RGPD2: variants seen among roughly 807,000 people sequenced by gnomAD.
RGPD2 encodes the protein RANBP2-like and GRIP domain-containing protein 2.
A neutral mutation model predicts 36.0 loss-of-function variants in RGPD2; 2 were observed. The ratio of observed to expected loss-of-function variants is 0.06; its 90% CI spans 0.02 to 0.17. RGPD2 has a LOEUF of 0.17. Among genes scored for constraint, RGPD2 ranks in the 10% least tolerant of loss-of-function variants. The pLI, the probability that RGPD2 is intolerant of heterozygous loss-of-function variation, is 1.00. For missense variants in RGPD2, 40 were observed against 464.3 expected (o/e 0.09, Z 8.40); for synonymous variants, 19 against 163.8 (o/e 0.12, Z 6.75).
the RGPD2 span, among the ~76,000 whole-genome samples, chr2:87,872,455 G>GAAAAAAT: frequency 6.6e-6 from 1 of 151,870 alleles, no homozygotes; most frequent in East Asian, 1.9e-4. Context: ...AACATACTGA[G>GAAAAAAT]AAAAAATAGA....
chr2:87,952,330 C>G, the RGPD2 span, among the ~76,000 whole-genome samples: 1 of 151,918 alleles, frequency 6.6e-6, no homozygotes, highest in Non-Finnish European at 1.5e-5. Flanking sequence ...CAAGTTTCTG[C>G]TACATTTCAT....
the RGPD2 span, among the ~76,000 whole-genome samples, chr2:87,888,236 T>A: frequency 2.0e-5 from 3 of 151,838 alleles, no homozygotes; most frequent in African/African-American, 7.2e-5. Flanking sequence ...ACTTACTGGA[T>A]CAACATACAT....
At chr2:87,868,656 G>A in the RGPD2 span, among the ~76,000 whole-genome samples, 5 of 152,110 alleles carry the variant, frequency 3.3e-5, no homozygotes, top group East Asian at 9.7e-4. Context: ...ATGCCCCATT[G>A]GTATTCCACA....
chr2:87,825,182 C>T, intron 1 of RGPD2: 1 of 393,376 alleles, frequency 2.5e-6, no homozygotes, highest in Non-Finnish European at 4.5e-6. Context: ...ATTCTATTTC[C>T]CCCTCTATTG....
chr2:87,849,153 G>A, the RGPD2 span, among the ~76,000 whole-genome samples: 4 of 151,282 alleles, frequency 2.6e-5, no homozygotes, highest in South Asian at 8.4e-4. Context: ...TGTAGTGAGT[G>A]TTTCAAAGGT....
the RGPD2 span, among the ~76,000 whole-genome samples, chr2:87,877,974 T>C: frequency 6.6e-6 from 1 of 152,070 alleles, no homozygotes; most frequent in Admixed American, 6.5e-5. Context: ...TTCTTTCATT[T>C]CAACCTTGGA....
chr2:87,951,294 A>G, the RGPD2 span, among the ~76,000 whole-genome samples: 2 of 151,594 alleles, frequency 1.3e-5, no homozygotes, highest in South Asian at 2.1e-4. Context: ...TTGTCTTTGT[A>G]TATCCTAACC....
the RGPD2 span, among the ~76,000 whole-genome samples, chr2:87,920,826 T>C: frequency 5.4e-5 from 5 of 93,396 alleles, no homozygotes; most frequent in South Asian, 9.4e-4. Context: ...TGAATTCAAA[T>C]CCTGTTTCTT....
At chr2:87,857,412 A>G in the RGPD2 span, among the ~76,000 whole-genome samples, 75 of 151,506 alleles carry the variant, frequency 5.0e-4, no homozygotes, top group African/African-American at 1.5e-3. Flanking sequence ...GTGCAATCTC[A>G]GCTCACTGAA....
rs928804632 is a variant in RGPD2 at position 87,825,716 on chromosome 2, T to C, written c.14A>G (p.Lys5Arg). Residue 5 changes from lysine (K) to arginine (R), a missense_variant, in exon 1 of 23, where the codon AAA becomes AGA. By Grantham distance (26) the Lys-to-Arg change is conservative. Coordinates refer to ENST00000398146, the MANE Select transcript of RGPD2 (RefSeq NM_001078170.3). MRRS[K>R]AYGERYLASV... ...GGCGAGGTACCGCTCCCCGTAGGCTTTGCTGCGCCTCATCGCACCGCCAAC... is the reference window on the plus strand; with the variant it reads ...GGCGAGGTACCGCTCCCCGTAGGCTCTGCTGCGCCTCATCGCACCGCCAAC... 3 of 1,600,958 alleles carry C rather than the reference T, an allele frequency of 1.9e-6. No individual in the cohort carries two copies. Among genetic ancestry groups the C allele is most frequent in the Non-Finnish European group, 1.7e-6 (2 of 1,174,430 alleles).
chr2:87,855,011 T>TGC, the RGPD2 span, among the ~76,000 whole-genome samples: 2 of 152,082 alleles, frequency 1.3e-5, no homozygotes, highest in Admixed American at 6.6e-5. Context: ...TGTGTGTGTG[T>TGC]GCGTGTGTGT....
At chr2:87,781,464 GT>G (rs879124297) in intron 20 of RGPD2, among the ~76,000 whole-genome samples, 1,829 of 112,510 alleles carry the variant, frequency 0.016, 10 homozygotes, top group African/African-American at 0.024. Context: ...TTGTTTTTTT[GT>G]TTTTTTTTTT....
chr2:87,977,885 G>A, the RGPD2 span, among the ~76,000 whole-genome samples: 2 of 152,088 alleles, frequency 1.3e-5, no homozygotes, highest in East Asian at 1.9e-4. Context: ...GGAGGCCAAG[G>A]CTGGTGGATC....
At chr2:87,988,541 ATTTTTTT>A in the RGPD2 span, among the ~76,000 whole-genome samples, 6 of 54,142 alleles carry the variant, frequency 1.1e-4, no homozygotes, top group Admixed American at 3.1e-4. Context: ...ATATATATAT[ATTTTTTT>A]TTTTTCTTTT....
At position 87,772,930 on chromosome 2, in the gene RGPD2, C is replaced by T. The variant is rs1424265337; in HGVS notation, c.5041-566G>A. On this transcript the variant is annotated intron_variant, in intron 21 of 22. Coordinates refer to ENST00000398146, the MANE Select transcript of RGPD2 (RefSeq NM_001078170.3). ...GTTGAAAGCTGGGGAACTGATGGAA[C>T]GTCTCCATGAGGAGCAACTAACTGG... Among the ~76,000 whole-genome samples the T allele has an allele frequency of 6.7e-5, 9 of 134,002 alleles. 1 individual carries two copies. The highest frequency in any genetic ancestry group is 2.6e-4 in the South Asian group (1 of 3,904). 87.9% of individuals were successfully genotyped at this position (134,002 alleles called of 152,430 possible). A position where few individuals can be genotyped will look rare whatever the true frequency, so the allele number is the denominator to read the frequency against.
chr2:87,947,341 A>G, the RGPD2 span, among the ~76,000 whole-genome samples: 5 of 152,200 alleles, frequency 3.3e-5, no homozygotes, highest in Non-Finnish European at 7.3e-5. Flanking sequence ...AAAAGAATGG[A>G]CTCAGAACTA....
upstream of RGPD2, among the ~76,000 whole-genome samples, chr2:87,830,675 C>T (rs1214708319): frequency 6.6e-6 from 1 of 152,186 alleles, no homozygotes; most frequent in East Asian, 1.9e-4. Flanking sequence ...CACAGATTCA[C>T]ATGGCTGGGG....
the RGPD2 span, among the ~76,000 whole-genome samples, chr2:87,878,925 C>T: frequency 6.6e-6 from 1 of 152,170 alleles, no homozygotes; most frequent in Non-Finnish European, 1.5e-5. Context: ...ATCTTAATGA[C>T]TGAATCGTAT....
the RGPD2 span, among the ~76,000 whole-genome samples, chr2:87,914,807 A>G: frequency 6.6e-6 from 1 of 151,004 alleles, no homozygotes; most frequent in East Asian, 1.9e-4. Flanking sequence ...CTAGATTGAG[A>G]GCAAAAATTA....
Sources: gnomAD v4.1 joint callset for allele counts (sites outside exome capture counted in the v4.1 genomes callset) on GRCh38, gnomAD v4.1.1 for gene constraint, MANE v1.5 for transcripts, NCBI Gene and HGNC (gene_info 2026-07-23, HGNC 2026-07-21) for gene names.